Variants in CNGA1 observed in about 807,000 individuals in gnomAD.
CNGA1 encodes the protein cyclic nucleotide-gated channel alpha-1.
In CNGA1, 53 loss-of-function variants were observed where a neutral mutation model predicts 69.7. That is an observed-to-expected ratio of 0.76 (90% CI 0.61 to 0.96). The LOEUF is 0.96. CNGA1 is among the 40% of genes least tolerant of loss of function. The pLI is 0.00. For missense variants in CNGA1, 739 were observed against 811.2 expected (o/e 0.91, Z 1.08); for synonymous variants, 249 against 283.5 (o/e 0.88, Z 1.22).
intron 5 of CNGA1, 95 bp from the exon 6 acceptor site, chr4:47,949,990 A>C (rs1578075341): frequency 2.1e-6 from 2 of 947,292 alleles, no homozygotes; most frequent in African/African-American, 1.6e-5. Context: ...ATTCTTCTCC[A>C]TTTCTACTCA....
intron 10 of CNGA1, 113 bp downstream of exon 10, chr4:47,940,650 G>A (rs2110136833): frequency 2.6e-6 from 2 of 783,358 alleles, no homozygotes; most frequent in Admixed American, 2.2e-5. Flanking sequence ...TTTTTCTCTA[G>A]AACAGATTTT....
intron 2 of CNGA1, among the ~76,000 whole-genome samples, chr4:48,009,797 T>G (rs1022624478): frequency 6.6e-6 from 1 of 152,118 alleles, no homozygotes; most frequent in Non-Finnish European, 1.5e-5. Context: ...GGAGCGAAGC[T>G]CCATCTCAAA....
chr4:47,951,131 G>C (rs564617171), intron 5 of CNGA1, among the ~76,000 whole-genome samples: 1 of 152,170 alleles, frequency 6.6e-6, no homozygotes, highest in Non-Finnish European at 1.5e-5. Context: ...ATCCCACATT[G>C]TGTGTAGATA....
chr4:47,958,336 T>A (rs1267555035), intron 3 of CNGA1, among the ~76,000 whole-genome samples: 1 of 151,976 alleles, frequency 6.6e-6, no homozygotes, highest in Non-Finnish European at 1.5e-5. Context: ...TGTAAAGACA[T>A]CAATGAGGCC....
intron 3 of CNGA1, among the ~76,000 whole-genome samples, chr4:47,980,357 A>T (rs1292172589): frequency 6.6e-6 from 1 of 152,230 alleles, no homozygotes; most frequent in African/African-American, 2.4e-5. Context: ...ATATAGAATG[A>T]AATCACTGAT....
At chr4:47,939,972 T>C (rs1272393161) in intron 10 of CNGA1, among the ~76,000 whole-genome samples, 2 of 152,202 alleles carry the variant, frequency 1.3e-5, no homozygotes, top group Admixed American at 6.5e-5. Flanking sequence ...AGCATAAGTG[T>C]CCTTTGAGGC....
chr4:47,939,576 G>A (rs879871942), intron 10 of CNGA1, among the ~76,000 whole-genome samples: 7 of 152,206 alleles, frequency 4.6e-5, no homozygotes, highest in Admixed American at 2.6e-4. Context: ...GCCACAACCT[G>A]AGACTTACGA....
chr4:48,002,842 T>C (rs1714723867), intron 2 of CNGA1, among the ~76,000 whole-genome samples: 1 of 152,136 alleles, frequency 6.6e-6, no homozygotes, highest in Non-Finnish European at 1.5e-5. Context: ...GTCTGCACCT[T>C]AGCAGGACTC....
chr4:47,972,205 T>C (rs1741084591), intron 3 of CNGA1, among the ~76,000 whole-genome samples: 1 of 152,232 alleles, frequency 6.6e-6, no homozygotes, highest in Admixed American at 6.5e-5. Flanking sequence ...TACAATATTG[T>C]TTATTAATAT....
rs939896174 is a variant in CNGA1 at position 48,016,669 on chromosome 4, C to A, written c.-409G>T. 5.1e-6 allele frequency: 3 copies of A among 593,556 alleles called. No homozygotes were observed. The highest frequency in any genetic ancestry group is 2.2e-5 in the South Asian group (1 of 45,820). 36.8% of individuals were successfully genotyped at this position (593,556 alleles called of 1,614,324 possible). On this transcript the variant is annotated 5_prime_UTR_variant, in exon 1 of 11. Transcript: ENST00000514170. Reference sequence around the variant, plus strand: ...TCGCAACAAGCCCCGGGCAGCAGGGCTCGGCTGGCGCTGAGGCCCCGCCTG... The same window carrying A: ...TCGCAACAAGCCCCGGGCAGCAGGGATCGGCTGGCGCTGAGGCCCCGCCTG...
At chr4:47,963,821 T>A (rs981153193) in intron 3 of CNGA1, among the ~76,000 whole-genome samples, 2 of 152,100 alleles carry the variant, frequency 1.3e-5, no homozygotes, top group Non-Finnish European at 2.9e-5. Context: ...GAAAGAAAAA[T>A]CATTTGATAT....
At chr4:47,955,857 A>G (rs183426969) in intron 3 of CNGA1, among the ~76,000 whole-genome samples, 2 of 152,360 alleles carry the variant, frequency 1.3e-5, no homozygotes, top group East Asian at 3.9e-4. Flanking sequence ...TGCACATGAT[A>G]GGTACTCAAG....
intron 3 of CNGA1, among the ~76,000 whole-genome samples, chr4:47,953,787 A>G (rs1036017844): frequency 4.6e-5 from 7 of 152,084 alleles, no homozygotes; most frequent in Non-Finnish European, 1.0e-4. Context: ...TCCTCTCTCC[A>G]GTTTGAGGGA....
intron 10 of CNGA1, among the ~76,000 whole-genome samples, chr4:47,939,739 T>C (rs1738953359): frequency 6.6e-6 from 1 of 152,186 alleles, no homozygotes. Flanking sequence ...ATATACATAT[T>C]GGTCACCAGA....
At chr4:47,939,001 A>G (rs1000848690) in intron 10 of CNGA1, among the ~76,000 whole-genome samples, 4 of 151,252 alleles carry the variant, frequency 2.6e-5, no homozygotes, top group African/African-American at 4.9e-5. Context: ...AAGAGAAAGA[A>G]AGAAAGAAAG....
intron 1 of CNGA1, among the ~76,000 whole-genome samples, chr4:48,013,913 C>G (rs1715269996): frequency 6.6e-6 from 1 of 152,170 alleles, no homozygotes; most frequent in South Asian, 2.1e-4. Flanking sequence ...AATGTAGCAA[C>G]TCAGGGGTTA....
In CNGA1 at chr4:47,937,746, C is replaced by T. The variant is rs1578061573; in HGVS notation, c.736G>A (p.Val246Ile). 6.2e-7 allele frequency: 1 copy of T among 1,613,804 alleles called. No individual in the cohort carries two copies. Among genetic ancestry groups the T allele is most frequent in the African/African-American group, 1.3e-5 (1 of 75,032 alleles). Residue 246 changes from valine to isoleucine, a missense_variant, in exon 11 of 11, where the codon GTT becomes ATT. Coordinates refer to ENST00000514170, the MANE Select transcript of CNGA1 (RefSeq NM_001379270.1). ...YKSNLQFKLDVLSLIPTDLLY... is the reference protein window; with the variant it reads ...YKSNLQFKLDILSLIPTDLLY... ...AAATCAGTTGGTATCAGTGACAGAA[C>T]ATCAAGTTTAAATTGCAAGTTGGAT...
intron 3 of CNGA1, among the ~76,000 whole-genome samples, chr4:47,956,259 C>T (rs920709191): frequency 1.3e-5 from 2 of 152,148 alleles, no homozygotes; most frequent in Non-Finnish European, 2.9e-5. Flanking sequence ...TATTCTGAGG[C>T]GGCTATCCCC....
Position 47,990,818 on chromosome 4 carries a change from G to C in CNGA1, c.-122-9318C>G, listed in dbSNP as rs531769454. Among the ~76,000 whole-genome samples the C allele has an allele frequency of 2.0e-5, 3 of 152,192 alleles. No individual in the cohort carries two copies. In the South Asian group the frequency reaches 6.2e-4, roughly 32 times the overall value. The stretch of plus-strand genomic sequence containing the variant: ...GAAAGAACCTACGTTGAAATATGGG[G>C]GCTGGTTCCCCCAAAACATTCTTAT... On this transcript the variant is annotated intron_variant, in intron 2 of 10. Transcript: ENST00000514170.
Sources: allele counts gnomAD v4.1 joint callset (sites outside exome capture counted in the v4.1 genomes callset), GRCh38; gene constraint gnomAD v4.1.1; transcripts MANE v1.5; gene names NCBI Gene and HGNC (gene_info 2026-07-23, HGNC 2026-07-21).